Variants in SPAG6 observed in about 807,000 individuals in gnomAD.
The protein encoded by SPAG6 is sperm-associated antigen 6.
Under a neutral mutation model 58.5 loss-of-function variants are expected in SPAG6, and 49 were observed. The ratio of observed to expected loss-of-function variants is 0.84; its 90% CI spans 0.67 to 1.06. The LOEUF (loss-of-function observed/expected upper bound fraction) is 1.06. SPAG6 is among the 50% of genes least tolerant of loss of function. The pLI, the probability that SPAG6 is intolerant of heterozygous loss-of-function variation, is 0.00. For missense variants in SPAG6, 560 were observed against 611.3 expected, an observed-to-expected ratio of 0.92 and a Z score of 0.89; for synonymous variants, 233 against 225.6, an observed-to-expected ratio of 1.03 and a Z score of -0.29.
At chr10:22,400,267 C>G (rs1028764962) in intron 8 of SPAG6, among the ~76,000 whole-genome samples, 2 of 152,032 alleles carry the variant, frequency 1.3e-5, no homozygotes, top group African/African-American at 2.4e-5. Context: ...TAAGGGAGCA[C>G]TGAAGCACAA....
chr10:22,355,319 T>C (rs1484573591), intron 2 of SPAG6, among the ~76,000 whole-genome samples: 2 of 152,170 alleles, frequency 1.3e-5, no homozygotes, highest in Non-Finnish European at 2.9e-5. Flanking sequence ...ACATGGGAAA[T>C]GCTATATAAG....
rs933611337 is a variant in SPAG6 at position 22,345,905 on chromosome 10, G to A, written c.121+87G>A. On this transcript the variant is annotated intron_variant, in intron 2 of 10. Coordinates refer to ENST00000376624, the MANE Select transcript of SPAG6 (RefSeq NM_012443.4). This position sits in a 1 kb window ranked among gnomAD's most constrained non-coding sequence, Gnocchi z 6.3. ...CGCTGCCCTGCCCGTGGAGCTCTTG[G>A]GGAGCCGCAGTGTGGGGACCGGAGT... 6.3e-7 allele frequency: 1 copy of A among 1,577,084 alleles called. No individual in the cohort carries two copies. The highest frequency in any genetic ancestry group is 8.6e-7 in the Non-Finnish European group (1 of 1,161,802).
intron 9 of SPAG6, among the ~76,000 whole-genome samples, chr10:22,406,714 A>G (rs1243430473): frequency 6.6e-6 from 1 of 152,060 alleles, no homozygotes; most frequent in Non-Finnish European, 1.5e-5. Flanking sequence ...TGTCTCGTTG[A>G]TCTGTCTGTG....
chr10:22,366,983 G>A (rs1179650500), intron 3 of SPAG6, among the ~76,000 whole-genome samples: 1 of 151,448 alleles, frequency 6.6e-6, no homozygotes, highest in African/African-American at 2.4e-5. Context: ...CTCTTTATGA[G>A]GTACAAAGTC....
intron 2 of SPAG6, among the ~76,000 whole-genome samples, chr10:22,352,414 A>T (rs1232438448): frequency 6.6e-6 from 1 of 152,226 alleles, no homozygotes; most frequent in Admixed American, 6.5e-5. Context: ...ACTTAAAAAA[A>T]ATAGATGCTT....
chr10:22,384,081 G>T (rs1196024312), intron 4 of SPAG6, among the ~76,000 whole-genome samples: 1 of 152,172 alleles, frequency 6.6e-6, no homozygotes, highest in Non-Finnish European at 1.5e-5. Context: ...TTCCAAAGCT[G>T]GTTTTGCAGC....
chr10:22,380,263 A>G (rs7101082), intron 4 of SPAG6, among the ~76,000 whole-genome samples: 7,359 of 152,150 alleles, frequency 0.048, 612 homozygotes, highest in African/African-American at 0.17. Flanking sequence ...CATTAATATC[A>G]TATAAGTGGC....
Position 22,345,953 on chromosome 10 carries a change from C to T in SPAG6, c.121+135C>T. On this transcript the variant is annotated intron_variant, in intron 2 of 10. Coordinates refer to ENST00000376624, the MANE Select transcript of SPAG6 (RefSeq NM_012443.4). The surrounding 1 kb of genome is among the most constrained non-coding windows in gnomAD (Gnocchi z 6.3). The stretch of plus-strand genomic sequence containing the variant: ...AGTTCGCAAAAGCATCCATTCTTTT[C>T]AGCGGGTCTTTGGGGGTCAGGCCGA... 2 of 1,554,864 alleles carry T rather than the reference C, an allele frequency of 1.3e-6. No individual in the cohort carries two copies. Among genetic ancestry groups the T allele is most frequent in the African/African-American group, 1.4e-5 (1 of 73,190 alleles).
At chr10:22,365,047 GT>G (rs1358058903) in intron 3 of SPAG6, 28 bp downstream of exon 3, 6 of 1,515,768 alleles carry the variant, frequency 4.0e-6, no homozygotes, top group Non-Finnish European at 5.3e-6. Flanking sequence ...CTAGTTATAT[GT>G]TTTTTTGTTT....
chr10:22,365,075 T>C (rs1588642799), intron 3 of SPAG6, 56 bp downstream of exon 3: 2 of 1,365,748 alleles, frequency 1.5e-6, no homozygotes, highest in Non-Finnish European at 2.0e-6. Context: ...TTTAAAAATG[T>C]GACAGTTTGG....
intron 3 of SPAG6, among the ~76,000 whole-genome samples, chr10:22,366,467 A>G (rs1344850863): frequency 6.6e-6 from 1 of 152,234 alleles, no homozygotes; most frequent in East Asian, 1.9e-4. Flanking sequence ...TGATGATAAT[A>G]GTCTAGAACT....
intron 2 of SPAG6, among the ~76,000 whole-genome samples, chr10:22,354,166 T>C (rs1836804257): frequency 6.6e-6 from 1 of 152,196 alleles, no homozygotes; most frequent in African/African-American, 2.4e-5. Flanking sequence ...AGCAGTCTTT[T>C]GGAGAGTAGA....
chr10:22,393,763 C>T (rs560388365), intron 8 of SPAG6, among the ~76,000 whole-genome samples: 20 of 152,182 alleles, frequency 1.3e-4, no homozygotes, highest in African/African-American at 4.3e-4. Flanking sequence ...CCCACGGTCT[C>T]GTGAATTCTC....
At chr10:22,349,135 C>T (rs555893763) in intron 2 of SPAG6, among the ~76,000 whole-genome samples, 8 of 152,248 alleles carry the variant, frequency 5.3e-5, no homozygotes, top group East Asian at 3.9e-4. Flanking sequence ...AGGCCTGAGC[C>T]GCCACGCCTG....
At chr10:22,416,059 T>C (rs779398960) in intron 10 of SPAG6, among the ~76,000 whole-genome samples, 10 of 152,174 alleles carry the variant, frequency 6.6e-5, no homozygotes, top group Non-Finnish European at 1.5e-4. Context: ...GTTTCTATGA[T>C]ACAAGTATTT....
At chr10:22,376,002 CTA>C (rs2132065001) in intron 4 of SPAG6, among the ~76,000 whole-genome samples, 1 of 152,300 alleles carries the variant, frequency 6.6e-6, no homozygotes, top group South Asian at 2.1e-4. Context: ...ATGGTAGCCT[CTA>C]TTCACATGAG....
chr10:22,363,099 G>A (rs2026632), intron 2 of SPAG6, among the ~76,000 whole-genome samples: 8,046 of 152,152 alleles, frequency 0.053, 708 homozygotes, highest in African/African-American at 0.18. Context: ...TGATGTTCAC[G>A]CAACATTTTG....
chr10:22,398,483 T>C (rs1279909275), intron 8 of SPAG6, among the ~76,000 whole-genome samples: 4 of 152,214 alleles, frequency 2.6e-5, no homozygotes, highest in Non-Finnish European at 5.9e-5. Context: ...TCCCAACACT[T>C]TGGAGGACAA....
chr10:22,414,836 G>A (rs376747239), intron 10 of SPAG6, among the ~76,000 whole-genome samples: 6 of 152,156 alleles, frequency 3.9e-5, no homozygotes, highest in South Asian at 4.2e-4. Context: ...GCGTGATCTC[G>A]GCTCACTGCA....
Sources: allele counts gnomAD v4.1 joint callset (sites outside exome capture counted in the v4.1 genomes callset), GRCh38; gene constraint gnomAD v4.1.1; non-coding constraint Gnocchi (gnomAD v3.1); transcripts MANE v1.5; gene names NCBI Gene and HGNC (gene_info 2026-07-23, HGNC 2026-07-21).